Variants in SLC26A9 observed in about 807,000 individuals in gnomAD.
The protein encoded by SLC26A9 is anion transporter/exchanger protein 9.
A neutral mutation model predicts 87.1 loss-of-function variants in SLC26A9; 46 were observed. The ratio of observed to expected loss-of-function variants is 0.53; its 90% CI spans 0.42 to 0.67. The LOEUF is 0.67. Ranked by LOEUF, SLC26A9 falls within the 30% of genes least tolerant of loss-of-function variation. The pLI is 0.00. For synonymous variants in SLC26A9, 437 were observed against 409.1 expected, an observed-to-expected ratio of 1.07 and a Z score of -0.82; for missense variants, 927 against 1,018.3, an observed-to-expected ratio of 0.91 and a Z score of 1.22.
At chr1:205,939,351 C>A (rs1169137177) in intron 1 of SLC26A9, among the ~76,000 whole-genome samples, 2 of 152,112 alleles carry the variant, frequency 1.3e-5, no homozygotes, top group African/African-American at 4.8e-5. Flanking sequence ...TTCTGACCAC[C>A]CTGGTGACCT....
chr1:205,929,995 C>G lies in SLC26A9; in HGVS notation c.614G>C (p.Arg205Pro), dbSNP rs773009094. The G allele has an allele frequency of 3.7e-6, 6 of 1,613,644 alleles. No individual in the cohort carries two copies. The East Asian group carries it at 1.3e-4, about 36-fold the overall frequency. Residue 205 changes from arginine to proline, a missense_variant, in exon 6 of 21, where the codon CGG (arginine) becomes CCG (proline). Arg to Pro is a moderately radical substitution (Grantham distance 103). Transcript: ENST00000367135. ...CAGGCCGGCGGCCGTCATGAAGCCC[C>G]GGATGAAGGACTCGGAGAGGTAGAT... ...VAIYLSESFI[R>P]GFMTAAGLQI... is the part of the protein sequence containing the mutation.
chr1:205,935,225 T>G lies in SLC26A9; in HGVS notation c.125+471A>C, dbSNP rs16856514. The G allele has an allele frequency of 8.9e-3, 1,361 of 152,772 alleles. 11 individuals carry two copies. Among genetic ancestry groups the G allele is most frequent in the East Asian group, 0.03 (155 of 5,182 alleles). 9.5% of individuals were successfully genotyped at this position (152,772 alleles called of 1,614,324 possible). On this transcript the variant is annotated intron_variant, in intron 2 of 20. Transcript: ENST00000367135. ...GGTCCCCTCAGGAAAGTTCAGAAAT[T>G]TAGGGCCTCCTTTTGGCATTCTCTG...
intron 12 of SLC26A9, among the ~76,000 whole-genome samples, chr1:205,925,917 C>T (rs1177419897): frequency 6.6e-6 from 1 of 152,194 alleles, no homozygotes; most frequent in African/African-American, 2.4e-5. Context: ...CTAATCAGGA[C>T]AATAAGTCAT....
chr1:205,922,288 C>G (rs942310659), intron 16 of SLC26A9, among the ~76,000 whole-genome samples: 1 of 152,228 alleles, frequency 6.6e-6, no homozygotes, highest in African/African-American at 2.4e-5. Flanking sequence ...AGGTGCCCAC[C>G]ACCACGCCTG....
chr1:205,923,190 G>A lies in SLC26A9; in HGVS notation c.1665C>T (p.Gly555=). The stretch of plus-strand genomic sequence containing the variant: ...CTAGTAATACTTTCTGGGGGTCCAT[G>A]CCTGTCTGCAGGGAGAGAGCCAACA... ...IFRQKVIAKT[G]MDPQKVLLAK... Residue 555 remains glycine (G), a synonymous_variant, in exon 16 of 21, where the codon GGC becomes GGT. Coordinates refer to ENST00000367135, the MANE Select transcript of SLC26A9 (RefSeq NM_052934.4). The A allele has an allele frequency of 1.2e-6, 2 of 1,614,146 alleles. No homozygotes were observed. Among genetic ancestry groups the A allele is most frequent in the Non-Finnish European group, 1.7e-6 (2 of 1,180,028 alleles).
chr1:205,917,368 A>G lies in SLC26A9; in HGVS notation c.2257-14T>C. 1.9e-6 allele frequency: 3 copies of G among 1,613,928 alleles called. No individual in the cohort carries two copies. The highest frequency in any genetic ancestry group is 2.5e-6 in the Non-Finnish European group (3 of 1,179,880). ...ATCCCCTGGAGCCTGGAAGGGAGGA[A>G]GCCAGTGCAGAATGAGCTTCAGTGA... is the stretch of plus-strand genomic sequence containing the variant. On this transcript the variant is annotated splice_polypyrimidine_tract_variant and intron_variant, in intron 19 of 20. Transcript: ENST00000367135.
chr1:205,930,175 TGAG>T lies in SLC26A9; in HGVS notation c.553-122_553-120del, dbSNP rs916181059. On this transcript the variant is annotated intron_variant, in intron 5 of 20. Transcript: ENST00000367135. ...GTGCAGTCCTAGCGTAGCAGTAGCT[TGAG>T]GGAATTGGACCATCTGTGACCTTCA... 5 of 1,146,318 alleles carry T rather than the reference TGAG, an allele frequency of 4.4e-6. No individual in the cohort carries two copies. In the African/African-American group the frequency reaches 7.8e-5, roughly 18 times the overall value. 71.0% of individuals were successfully genotyped at this position (1,146,318 alleles called of 1,614,324 possible). A position where few individuals can be genotyped will look rare whatever the true frequency, so the allele number is the denominator to read the frequency against.
In SLC26A9 at chr1:205,929,909, G is replaced by A. The variant is rs769059463; in HGVS notation, c.700C>T (p.Pro234Ser). ...AGACTCACAAAGACGATGGACCCTG[G>A]GCCTGTGTAGGAGGGGATGGTCAGT... ...FGLTIPSYTG[P>S]GSIVFTFIDI... Residue 234 changes from proline to serine, a missense_variant, in exon 6 of 21, where the codon CCA (proline) becomes TCA (serine). Physicochemically the swap from Pro to Ser is moderately conservative, Grantham distance 74 (BLOSUM62 -1). Coordinates refer to ENST00000367135, the MANE Select transcript of SLC26A9 (RefSeq NM_052934.4). 6.2e-7 allele frequency: 1 copy of A among 1,603,896 alleles called. No homozygotes were observed. The highest frequency in any genetic ancestry group is 8.5e-7 in the Non-Finnish European group (1 of 1,171,406).
intron 17 of SLC26A9, 151 bp downstream of exon 17, chr1:205,921,415 C>A (rs1658821386): frequency 5.7e-6 from 6 of 1,045,238 alleles, no homozygotes; most frequent in Non-Finnish European, 8.1e-6. Flanking sequence ...CTGGTGGCGT[C>A]TGGGGAAAGG....
intron 17 of SLC26A9, among the ~76,000 whole-genome samples, chr1:205,921,010 G>A (rs1413939066): frequency 6.6e-6 from 1 of 152,230 alleles, no homozygotes; most frequent in African/African-American, 2.4e-5. Context: ...CACTCTCTGT[G>A]CCCATTGTTC....
At position 205,931,465 on chromosome 1, in the gene SLC26A9, G is replaced by GTTTTTTTTTTTTTTTTTTTT. The variant is rs34820138; in HGVS notation, c.552+394_552+395insAAAAAAAAAAAAAAAAAAAA. The stretch of plus-strand genomic sequence containing the variant: ...GAGGGAGGAGGTGAGCCCTAACTTG[G>GTTTTTTTTTTTTTTTTTTTT]TTTTTTTTTTTTTTTTTTTGAGACG... On this transcript the variant is annotated intron_variant, in intron 5 of 20. Transcript: ENST00000367135. 4.1e-4 allele frequency among the ~76,000 whole-genome samples: 39 copies of GTTTTTTTTTTTTTTTTTTTT among 95,968 alleles called. 7 individuals are homozygous for GTTTTTTTTTTTTTTTTTTTT. The highest frequency in any genetic ancestry group is 6.5e-4 in the African/African-American group (15 of 23,086). The allele number at this position is 95,968 out of a possible 152,430, so 63.0% of individuals were successfully genotyped here. A position where few individuals can be genotyped will look rare whatever the true frequency, so the allele number is the denominator to read the frequency against.
At position 205,914,977 on chromosome 1, in the gene SLC26A9, C is replaced by G. The variant is rs1289260819; in HGVS notation, c.*380G>C. ...TTGAAGCTTGTACAGCAGGCCAGCACAGTTGTACTTGTCCTTCTGTTTTTG... is the reference window on the plus strand; with the variant it reads ...TTGAAGCTTGTACAGCAGGCCAGCAGAGTTGTACTTGTCCTTCTGTTTTTG... On this transcript the variant is annotated 3_prime_UTR_variant, in exon 21 of 21. Coordinates refer to ENST00000367135, the MANE Select transcript of SLC26A9 (RefSeq NM_052934.4). 1 of 1,614,202 alleles carries G rather than the reference C, an allele frequency of 6.2e-7. No individual in the cohort carries two copies. The highest frequency in any genetic ancestry group is 1.7e-5 in the Admixed American group (1 of 60,026).
chr1:205,923,263 C>T (rs941937143), intron 15 of SLC26A9, 68 bp from the exon 16 acceptor site: 65 of 1,610,476 alleles, frequency 4.0e-5, no homozygotes, highest in Admixed American at 5.0e-5. Flanking sequence ...TCTCAGCTCC[C>T]ACCGCCCTTC....
At position 205,931,955 on chromosome 1, in the gene SLC26A9, T is replaced by C. The variant is rs1348216964; in HGVS notation, c.457A>G (p.Asn153Asp). ...APESKFQVFN[N>D]ATNESYVDTA... The stretch of plus-strand genomic sequence containing the variant: ...TCCACATAGCTCTCATTGGTGGCAT[T>C]GTTGAAGACCTGGAATTTCGACTCT... The change falls in exon 5 of 21, where the codon AAT becomes GAT. Residue 153 changes from asparagine (N) to aspartate (D), a missense_variant. Asn to Asp is a conservative substitution (Grantham distance 23). Coordinates refer to ENST00000367135, the MANE Select transcript of SLC26A9 (RefSeq NM_052934.4). The C allele has an allele frequency of 1.9e-6, 3 of 1,614,218 alleles. No individual in the cohort carries two copies. The highest frequency in any genetic ancestry group is 2.5e-6 in the Non-Finnish European group (3 of 1,180,032).
chr1:205,929,490 T>C, intron 6 of SLC26A9, 134 bp from the exon 7 acceptor site: 1 of 1,367,730 alleles, frequency 7.3e-7, no homozygotes, highest in African/African-American at 1.5e-5. Flanking sequence ...AAAACCCTGA[T>C]CAGGAACCCT....
At chr1:205,926,809 T>C (rs1441388115) in intron 11 of SLC26A9, among the ~76,000 whole-genome samples, 179 bp from the exon 12 acceptor site, 1 of 152,196 alleles carries the variant, frequency 6.6e-6, no homozygotes, top group Non-Finnish European at 1.5e-5. Flanking sequence ...GTTAGAGCCA[T>C]GGGGTCCTTC....
intron 19 of SLC26A9, 148 bp from the exon 20 acceptor site, chr1:205,917,502 G>T: frequency 2.7e-6 from 2 of 747,172 alleles, no homozygotes; most frequent in Non-Finnish European, 2.3e-6. Flanking sequence ...TCCCTTACCT[G>T]CCTCACAAAA....
intron 8 of SLC26A9, 147 bp from the exon 9 acceptor site, chr1:205,928,196 C>T (rs191655152): frequency 3.3e-6 from 3 of 918,354 alleles, no homozygotes; most frequent in East Asian, 5.3e-5. Context: ...GAATCCTCAG[C>T]ACCACCCCAT....
At chr1:205,920,035 C>A in intron 18 of SLC26A9, 141 bp downstream of exon 18, 2 of 883,242 alleles carry the variant, frequency 2.3e-6, no homozygotes, top group Non-Finnish European at 3.6e-6. Context: ...GTACCTGAAG[C>A]TTTTATGAGC....
Sources: allele counts gnomAD v4.1 joint callset (sites outside exome capture counted in the v4.1 genomes callset), GRCh38; gene constraint gnomAD v4.1.1; transcripts MANE v1.5; gene names NCBI Gene and HGNC (gene_info 2026-07-23, HGNC 2026-07-21).